Variants in TAF6L observed in about 807,000 individuals in gnomAD.
TAF6L encodes the protein TAF6-like RNA polymerase II p300/CBP-associated factor-associated factor 65 kDa subunit 6L.
A neutral mutation model predicts 57.3 loss-of-function variants in TAF6L; 34 were observed. The ratio of observed to expected loss-of-function variants is 0.59; its 90% CI spans 0.45 to 0.79. The LOEUF (loss-of-function observed/expected upper bound fraction) is 0.79. TAF6L is among the 30% of genes least tolerant of loss of function. The pLI, the probability that TAF6L is intolerant of heterozygous loss-of-function variation, is 0.00. For missense variants in TAF6L, 782 were observed against 853.2 expected, an observed-to-expected ratio of 0.92 and a Z score of 1.04; for synonymous variants, 417 against 376.3, an observed-to-expected ratio of 1.11 and a Z score of -1.25.
At chr11:62,782,011 G>A (rs1336466532) in intron 7 of TAF6L, 43 bp downstream of exon 7, 1 of 1,609,906 alleles carries the variant, frequency 6.2e-7, no homozygotes, top group Non-Finnish European at 8.5e-7. Context: ...TTATAAGGAA[G>A]AGATGACCCA....
intron 2 of TAF6L, 42 bp downstream of exon 2, chr11:62,775,972 T>A: frequency 6.4e-7 from 1 of 1,565,684 alleles, no homozygotes; most frequent in Non-Finnish European, 8.7e-7. Context: ...CTTTCCTTGT[T>A]TCTGCCTTTT....
chr11:62,786,709 C>G lies in TAF6L; in HGVS notation c.1282C>G (p.Pro428Ala), dbSNP rs1415504038. 5 of 1,612,906 alleles carry G rather than the reference C, an allele frequency of 3.1e-6. No homozygotes were observed. ...GLPLPPGGAG[P>A]EDPSLSVTLA... is the part of the protein sequence containing the mutation. ...CCCGCTGCCGCCAGGGGGCGCGGGG[C>G]CGGAGGACCCTTCTCTTTCGGTGAC... The change falls in exon 11 of 11, where the codon CCG (proline) becomes GCG (alanine). Residue 428 changes from proline (P) to alanine (A), a missense_variant. Physicochemically the swap from Pro to Ala is conservative, Grantham distance 27. Transcript: ENST00000294168.
chr11:62,782,310 C>A lies in TAF6L; in HGVS notation c.804C>A (p.Ala268=). The change falls in exon 8 of 11, where the codon GCC becomes GCA. Residue 268 remains alanine (A), a synonymous_variant. Transcript: ENST00000294168. ...ACTGGACTCTGCGGGATGGGGCTGC[C>A]CTCCTGCTCAGCCACATCTTCTGGT... ...NDHWTLRDGA[A]LLLSHIFWTH... 6.2e-7 allele frequency: 1 copy of A among 1,613,854 alleles called. No homozygotes were observed. Among genetic ancestry groups the A allele is most frequent in the South Asian group, 1.1e-5 (1 of 91,070 alleles).
At chr11:62,772,837 T>C (rs1453814833) in intron 1 of TAF6L, among the ~76,000 whole-genome samples, 2 of 151,036 alleles carry the variant, frequency 1.3e-5, no homozygotes, top group African/African-American at 4.9e-5. Context: ...TTCTTCTTTC[T>C]TTCTTTTAGA....
Position 62,786,944 on chromosome 11 carries a change from G to A in TAF6L, c.1517G>A (p.Gly506Asp). Residue 506 changes from glycine to aspartate, a missense_variant, in exon 11 of 11, where the codon GGC becomes GAC. Transcript: ENST00000294168. ...GGCGACGAGAGCCCCCGGGGCAGCG[G>A]CGGAGGCGGCCCCGCGTCGGCCTCT... Reference protein sequence around the residue: ...PHGDESPRGSGGGGPASASGP... With the variant: ...PHGDESPRGSDGGGPASASGP... 6 of 1,459,306 alleles carry A rather than the reference G, an allele frequency of 4.1e-6. No homozygotes were observed. The highest frequency in any genetic ancestry group is 5.4e-6 in the Non-Finnish European group (6 of 1,115,672). 90.4% of individuals were successfully genotyped at this position (1,459,306 alleles called of 1,614,324 possible).
At chr11:62,777,861 C>T in intron 3 of TAF6L, 117 bp from the exon 4 acceptor site, 1 of 1,263,934 alleles carries the variant, frequency 7.9e-7, no homozygotes, top group South Asian at 1.5e-5. Context: ...TTTCTTGGGA[C>T]TTCTGGACTT....
Position 62,777,976 on chromosome 11 carries a change from A to T in TAF6L, c.235-2A>T. The T allele has an allele frequency of 5.6e-6, 9 of 1,613,416 alleles. No homozygotes were observed. Among genetic ancestry groups the T allele is most frequent in the Non-Finnish European group, 7.6e-6 (9 of 1,179,784 alleles). ...CTGCTCTCCAATTCCCTTTTTCCTC[A>T]GGCTGTGTGTGGTTACGGATCACAG... is the stretch of plus-strand genomic sequence containing the variant. On this transcript the variant is annotated splice_acceptor_variant, in intron 3 of 10. Transcript: ENST00000294168. LOFTEE classifies it high-confidence loss of function.
intron 9 of TAF6L, chr11:62,785,944 G>A: frequency 5.0e-6 from 1 of 198,936 alleles, no homozygotes; most frequent in Non-Finnish European, 1.0e-5. Context: ...GCCAGTACTT[G>A]CCTGATTGTA....
intron 5 of TAF6L, 26 bp downstream of exon 5, chr11:62,778,361 T>C (rs1353393072): frequency 1.2e-6 from 2 of 1,613,956 alleles, no homozygotes; most frequent in Non-Finnish European, 1.7e-6. Flanking sequence ...GGAAACAGGC[T>C]CTTTGGATGA....
At chr11:62,783,643 T>G (rs1324383378) in intron 9 of TAF6L, among the ~76,000 whole-genome samples, 1 of 151,678 alleles carries the variant, frequency 6.6e-6, no homozygotes, top group Non-Finnish European at 1.5e-5. Flanking sequence ...TAAGCAATTC[T>G]TCCACCTCAC....
chr11:62,782,326 A>G lies in TAF6L; in HGVS notation c.820A>G (p.Ile274Val), dbSNP rs2084236385. Reference protein sequence around the residue: ...RDGAALLLSHIFWTHGDLVSG... With the variant: ...RDGAALLLSHVFWTHGDLVSG... ...TGGGGCTGCCCTCCTGCTCAGCCAC[A>G]TCTTCTGGTAGCCACTGGGCCTAAA... The change falls in exon 8 of 11, where the codon ATC becomes GTC. Residue 274 changes from isoleucine to valine, a missense_variant. By Grantham distance (29) the Ile-to-Val change is conservative. Around this residue, in one of 3 missense-constraint regions of TAF6L, gnomAD observed 79 missense variants for 156.0 expected, o/e 0.51. Coordinates refer to ENST00000294168, the MANE Select transcript of TAF6L (RefSeq NM_006473.4). 1.2e-6 allele frequency: 2 copies of G among 1,613,342 alleles called. No homozygotes were observed. The highest frequency in any genetic ancestry group is 4.5e-5 in the East Asian group (2 of 44,880).
chr11:62,775,127 T>TG (rs1163891101), intron 1 of TAF6L, among the ~76,000 whole-genome samples: 1 of 150,508 alleles, frequency 6.6e-6, no homozygotes, highest in Non-Finnish European at 1.5e-5. Flanking sequence ...ACTGACTCAA[T>TG]GCTGGGGAGG....
rs1228869934 is a variant in TAF6L, at chr11:62,776,386, T to C, written c.150T>C (p.Asn50=). ...VCYRLREATQ[N]SSQFMKHTKR... ...GGCTTTTGTTCCCTCCCTCCCAGAATAGCTCTCAGTTCATGAAGCACACCA... is the reference window on the plus strand; with the variant it reads ...GGCTTTTGTTCCCTCCCTCCCAGAACAGCTCTCAGTTCATGAAGCACACCA... The change falls in exon 3 of 11, where the codon AAT becomes AAC. Residue 50 remains asparagine, a splice_region_variant and synonymous_variant. Transcript: ENST00000294168. The C allele has an allele frequency of 1.2e-6, 2 of 1,613,186 alleles. No homozygotes were observed. The highest frequency in any genetic ancestry group is 1.7e-6 in the Non-Finnish European group (2 of 1,179,354).
rs952880099 is a variant in TAF6L at position 62,775,871 on chromosome 11, G to C, written c.88G>C (p.Asp30His). 3 of 1,614,044 alleles carry C rather than the reference G, an allele frequency of 1.9e-6. No homozygotes were observed. In the Admixed American group the frequency reaches 5.0e-5, roughly 27 times the overall value. ...MAESTGLELSDEVAALLAEDV... is the reference protein window; with the variant it reads ...MAESTGLELSHEVAALLAEDV... Reference sequence around the variant, plus strand: ...GGAGAGCACGGGCCTGGAGCTGAGCGATGAGGTGGCGGCGCTGCTCGCAGA... The same window carrying C: ...GGAGAGCACGGGCCTGGAGCTGAGCCATGAGGTGGCGGCGCTGCTCGCAGA... Residue 30 changes from aspartate (D) to histidine (H), a missense_variant, in exon 2 of 11, where the codon GAT becomes CAT. Physicochemically the swap from Asp to His is moderately conservative, Grantham distance 81 (BLOSUM62 -1). Transcript: ENST00000294168.
At chr11:62,773,840 T>C (rs968067762) in intron 1 of TAF6L, among the ~76,000 whole-genome samples, 18 of 152,126 alleles carry the variant, frequency 1.2e-4, no homozygotes, top group African/African-American at 4.1e-4. Flanking sequence ...AACTGAAATC[T>C]GAAGGAGTGA....
Position 62,787,132 on chromosome 11 carries a change from G to T in TAF6L, c.1705G>T (p.Ala569Ser). ...TCGTTTCATCATAGCCGGGCGGCAG[G>T]CTGGGAGGCGCTGCCGCGGGCGCCT... ...HFRFIIAGRQ[A>S]GRRCRGRLFQ... is the part of the protein sequence containing the mutation. Residue 569 changes from alanine (A) to serine (S), a missense_variant, in exon 11 of 11, where the codon GCT becomes TCT. Ala to Ser is a moderately conservative substitution (Grantham distance 99, BLOSUM62 1). Around this residue, in one of 3 missense-constraint regions of TAF6L, gnomAD observed 483 missense variants for 445.1 expected, o/e 1.09. Transcript: ENST00000294168. 6.4e-7 allele frequency: 1 copy of T among 1,561,928 alleles called. No homozygotes were observed. The highest frequency in any genetic ancestry group is 8.6e-7 in the Non-Finnish European group (1 of 1,162,842).
intron 9 of TAF6L, among the ~76,000 whole-genome samples, chr11:62,785,100 A>T (rs747350064): frequency 5.3e-5 from 8 of 151,992 alleles, no homozygotes; most frequent in African/African-American, 9.7e-5. Flanking sequence ...GCCTTCCCAA[A>T]GTGCTGGGAT....
rs754774722 is a variant in TAF6L at position 62,787,279 on chromosome 11, C to T, written c.1852C>T (p.Leu618=). Residue 618 remains leucine, a synonymous_variant, in exon 11 of 11, where the codon CTG becomes TTG. Coordinates refer to ENST00000294168, the MANE Select transcript of TAF6L (RefSeq NM_006473.4). ...CCGGTGGGCGCTCTCGGACTACTCG[C>T]TGTACTTGCCGCTCTGAGTCAGTGG... ...ARRWALSDYS[L]YLPL is the part of the protein sequence containing the mutation. The T allele has an allele frequency of 2.7e-4, 425 of 1,546,712 alleles. 1 individual carries two copies. Among genetic ancestry groups the T allele is most frequent in the Non-Finnish European group, 3.4e-4 (396 of 1,153,986 alleles).
At position 62,781,815 on chromosome 11, in the gene TAF6L, A is replaced by C. The variant is rs1431638402; in HGVS notation, c.532-79A>C. On this transcript the variant is annotated intron_variant, in intron 6 of 10. Coordinates refer to ENST00000294168, the MANE Select transcript of TAF6L (RefSeq NM_006473.4). ...TTGTAAAACATGAATAAGGTGATAC[A>C]CTGTCTTCCAGAAGAATACCGCATT... The C allele has an allele frequency of 7.6e-6, 9 of 1,177,794 alleles. No homozygotes were observed. In the South Asian group the frequency reaches 8.6e-5, roughly 11 times the overall value. The allele number at this position is 1,177,794 out of a possible 1,614,324, so 73.0% of individuals were successfully genotyped here.
Sources: gnomAD v4.1 joint callset for allele counts (sites outside exome capture counted in the v4.1 genomes callset) on GRCh38, gnomAD v4.1.1 for gene constraint, gnomAD v4.1.1 regional missense constraint, MANE v1.5 for transcripts, NCBI Gene and HGNC (gene_info 2026-07-23, HGNC 2026-07-21) for gene names.